The following SLC7A13 variants were observed in gnomAD, a reference collection of about 807,000 sequenced individuals.
SLC7A13 encodes X-amino acid transporter 2.
In SLC7A13, 31 loss-of-function variants were observed where a neutral mutation model predicts 32.0. The observed-to-expected ratio is 0.97, with a 90% CI of 0.73 to 1.31. The LOEUF (loss-of-function observed/expected upper bound fraction) is 1.31, where lower values mean the gene tolerates loss of function less well. SLC7A13 is among the 50% of genes most tolerant of loss of function. The pLI, the probability that SLC7A13 is intolerant of heterozygous loss-of-function variation, is 0.00. For synonymous variants in SLC7A13, 232 were observed against 206.9 expected, an observed-to-expected ratio of 1.12 and a Z score of -1.04; for missense variants, 633 against 546.9, an observed-to-expected ratio of 1.16 and a Z score of -1.57.
At chr8:86,225,591 G>T (rs572613489) in intron 1 of SLC7A13, among the ~76,000 whole-genome samples, 28 of 152,256 alleles carry the variant, frequency 1.8e-4, no homozygotes, top group Middle Eastern at 6.8e-3. Context: ...ATAATAGCCA[G>T]ACAAGCGACA....
chr8:86,219,928 A>C (rs927251371), intron 2 of SLC7A13, among the ~76,000 whole-genome samples: 3 of 152,158 alleles, frequency 2.0e-5, no homozygotes, highest in Non-Finnish European at 4.4e-5. Flanking sequence ...AAGTATATAC[A>C]TTTTAAAATA....
intron 3 of SLC7A13, chr8:86,215,658 C>T (rs1297180055): frequency 4.5e-6 from 2 of 445,160 alleles, no homozygotes; most frequent in East Asian, 7.6e-5. Context: ...TGCACTCCAG[C>T]TTCTCCAGCC....
chr8:86,224,868 C>A (rs1035918017), intron 1 of SLC7A13, among the ~76,000 whole-genome samples: 12 of 151,702 alleles, frequency 7.9e-5, no homozygotes, highest in African/African-American at 2.2e-4. Flanking sequence ...TTTTTAATTT[C>A]TAGAACTTCC....
At chr8:86,228,943 A>G (rs1404921672) in intron 1 of SLC7A13, among the ~76,000 whole-genome samples, 1 of 152,130 alleles carries the variant, frequency 6.6e-6, no homozygotes. Context: ...AGCCTCTCAA[A>G]GCATTGGGAT....
At chr8:86,228,454 A>G (rs1223405385) in intron 1 of SLC7A13, among the ~76,000 whole-genome samples, 8 of 152,158 alleles carry the variant, frequency 5.3e-5, no homozygotes, top group Non-Finnish European at 1.2e-4. Context: ...AGCTTACTGC[A>G]GCCTCAAACT....
In SLC7A13 at chr8:86,217,501, T is replaced by C; in HGVS notation, c.1148A>G (p.Tyr383Cys). 6.3e-7 allele frequency: 1 copy of C among 1,592,020 alleles called. No individual in the cohort carries two copies. The highest frequency in any genetic ancestry group is 8.5e-7 in the Non-Finnish European group (1 of 1,172,750). The change falls in exon 3 of 4, where the codon TAC becomes TGC. Residue 383 changes from tyrosine to cysteine, a missense_variant. By Grantham distance (194) the Tyr-to-Cys change is radical. Coordinates refer to ENST00000297524, the MANE Select transcript of SLC7A13 (RefSeq NM_138817.3). ...LLMIGILRRR[Y>C]QEPNLSIPYK... ...AGGTATAGATAGATTGGGTTCCTGG[T>C]ATCTCCGCCTTAGTATTCCTATCAT...
intron 2 of SLC7A13, among the ~76,000 whole-genome samples, chr8:86,220,626 A>G (rs1194613525): frequency 6.6e-6 from 1 of 152,094 alleles, no homozygotes; most frequent in Non-Finnish European, 1.5e-5. Context: ...GATGCTCTAT[A>G]TTCATATGGA....
intron 3 of SLC7A13, 96 bp from the exon 4 acceptor site, chr8:86,214,742 T>A: frequency 3.3e-6 from 3 of 918,328 alleles, no homozygotes; most frequent in Non-Finnish European, 3.2e-6. Flanking sequence ...TACAAGCTAA[T>A]TAAAGAAAAC....
chr8:86,226,409 C>T (rs895770335), intron 1 of SLC7A13, among the ~76,000 whole-genome samples: 1 of 152,148 alleles, frequency 6.6e-6, no homozygotes, highest in Non-Finnish European at 1.5e-5. Flanking sequence ...TCAAAATTCA[C>T]CAATGACTTC....
chr8:86,217,806 A>T lies in SLC7A13; in HGVS notation c.843T>A (p.Asp281Glu), dbSNP rs1422431453. The T allele has an allele frequency of 6.3e-7, 1 of 1,598,554 alleles. No individual in the cohort carries two copies. ...TCCATGCTAATGAGGGAAAAGCTCG[A>T]TCAGCCCATGTGATAGCTACAGCAT... The part of the protein sequence containing the change: ...SSDAVAITWA[D>E]RAFPSLAWIM... Residue 281 changes from aspartate (D) to glutamate (E), a missense_variant, in exon 3 of 4, where the codon GAT (aspartate) becomes GAA (glutamate). Transcript: ENST00000297524.
Position 86,214,734 on chromosome 8 carries a change from C to A in SLC7A13, c.1180-88G>T. The A allele has an allele frequency of 1.0e-5, 10 of 977,418 alleles. No individual in the cohort carries two copies. The South Asian group carries it at 1.5e-4, about 14-fold the overall frequency. The allele number at this position is 977,418 out of a possible 1,614,324, so 60.5% of individuals were successfully genotyped here. A position where few individuals can be genotyped will look rare whatever the true frequency, so the allele number is the denominator to read the frequency against. On this transcript the variant is annotated intron_variant, in intron 3 of 3. Transcript: ENST00000297524. The stretch of plus-strand genomic sequence containing the variant: ...TCATATAAATAAAAATGCAAAGATA[C>A]AAGCTAATTAAAGAAAACAGGCTAA...
chr8:86,214,593 C>T lies in SLC7A13; in HGVS notation c.1233G>A (p.Val411=). 6.2e-7 allele frequency: 1 copy of T among 1,613,700 alleles called. No homozygotes were observed. Among genetic ancestry groups the T allele is most frequent in the Non-Finnish European group, 8.5e-7 (1 of 1,179,816 alleles). ...CATTTGGAGACTTTACCAATGGTAT[C>T]ACAACCAAGCCCACGTCGATGACTA... is the stretch of plus-strand genomic sequence containing the variant. The part of the protein sequence containing the change: ...ATIVIDVGLV[V]IPLVKSPNVH... Residue 411 remains valine (V), a synonymous_variant, in exon 4 of 4, where the codon GTG becomes GTA. Coordinates refer to ENST00000297524, the MANE Select transcript of SLC7A13 (RefSeq NM_138817.3).
Position 86,229,682 on chromosome 8 carries a change from G to A in SLC7A13, c.596C>T (p.Ala199Val). ...NVERFQNAFD[A>V]ELPDISHLIQ... ...AAGGTGAGAGATATCTGGAAGTTCA[G>A]CATCAAAAGCATTCTGAAATCGTTC... Residue 199 changes from alanine to valine, a missense_variant, in exon 1 of 4, where the codon GCT (alanine) becomes GTT (valine). By Grantham distance (64) the Ala-to-Val change is moderately conservative. Coordinates refer to ENST00000297524, the MANE Select transcript of SLC7A13 (RefSeq NM_138817.3). 1 of 1,614,156 alleles carries A rather than the reference G, an allele frequency of 6.2e-7. No individual in the cohort carries two copies. Among genetic ancestry groups the A allele is most frequent in the East Asian group, 2.2e-5 (1 of 44,880 alleles).
chr8:86,220,802 T>C (rs1820281939), intron 2 of SLC7A13, among the ~76,000 whole-genome samples: 1 of 151,976 alleles, frequency 6.6e-6, no homozygotes, highest in Non-Finnish European at 1.5e-5. Flanking sequence ...CAGACCAGCC[T>C]GGCCAACATG....
intron 2 of SLC7A13, among the ~76,000 whole-genome samples, chr8:86,221,433 A>G (rs1820292834): frequency 6.6e-6 from 1 of 152,180 alleles, no homozygotes; most frequent in Non-Finnish European, 1.5e-5. Flanking sequence ...TACAATAAAC[A>G]CGCAGATATT....
At chr8:86,221,267 T>C (rs1395233473) in intron 2 of SLC7A13, among the ~76,000 whole-genome samples, 1 of 152,132 alleles carries the variant, frequency 6.6e-6, no homozygotes, top group Non-Finnish European at 1.5e-5. Context: ...GAATGTTCTA[T>C]TATATAGATT....
At chr8:86,229,512 C>T (rs1007778951) in intron 1 of SLC7A13, 81 bp downstream of exon 1, 2 of 1,249,110 alleles carry the variant, frequency 1.6e-6, no homozygotes, top group East Asian at 2.3e-5. Flanking sequence ...ATTTAAGACT[C>T]AAAATACAAC....
intron 2 of SLC7A13, among the ~76,000 whole-genome samples, chr8:86,219,734 A>G (rs775149843): frequency 2.0e-5 from 3 of 152,144 alleles, no homozygotes; most frequent in Non-Finnish European, 4.4e-5. Context: ...GCAAGTTCTC[A>G]GTATTCCATT....
At chr8:86,220,553 C>T (rs934224313) in intron 2 of SLC7A13, among the ~76,000 whole-genome samples, 59 of 151,958 alleles carry the variant, frequency 3.9e-4, no homozygotes, top group African/African-American at 1.3e-3. Context: ...TTTATCGCAG[C>T]CTGGTGTAAT....
Sources: allele counts gnomAD v4.1 joint callset (sites outside exome capture counted in the v4.1 genomes callset), GRCh38; gene constraint gnomAD v4.1.1; transcripts MANE v1.5; gene names NCBI Gene and HGNC (gene_info 2026-07-23, HGNC 2026-07-21).